CARMIL1: variants seen among roughly 807,000 people sequenced by gnomAD.
CARMIL1 encodes the protein capping protein regulator and myosin 1 linker 1, also known as F-actin-uncapping protein LRRC16A.
Under a neutral mutation model 177.1 loss-of-function variants are expected in CARMIL1, and 90 were observed. The ratio of observed to expected loss-of-function variants is 0.51; its 90% CI spans 0.43 to 0.61. CARMIL1 has a LOEUF of 0.61. Ranked by LOEUF, CARMIL1 falls within the 20% of genes least tolerant of loss-of-function variation. CARMIL1 has a pLI of 0.00. For synonymous variants in CARMIL1, 577 were observed against 606.2 expected, an observed-to-expected ratio of 0.95 and a Z score of 0.71; for missense variants, 1,380 against 1,667.0, an observed-to-expected ratio of 0.83 and a Z score of 3.00.
At chr6:25,391,205 A>C (rs1032874879) in intron 2 of CARMIL1, among the ~76,000 whole-genome samples, 1 of 152,262 alleles carries the variant, frequency 6.6e-6, no homozygotes, top group Non-Finnish European at 1.5e-5. Context: ...TATTTCACTA[A>C]TAATCCACTA....
At chr6:25,456,922 A>G (rs1255875365) in intron 8 of CARMIL1, among the ~76,000 whole-genome samples, 4 of 150,964 alleles carry the variant, frequency 2.6e-5, no homozygotes, top group Non-Finnish European at 4.4e-5. Flanking sequence ...CTGAGTGTGG[A>G]TTATGTTTGC....
chr6:25,476,054 AAAT>A (rs1241490356), intron 11 of CARMIL1, among the ~76,000 whole-genome samples: 2 of 152,210 alleles, frequency 1.3e-5, no homozygotes, highest in Non-Finnish European at 2.9e-5. Flanking sequence ...CACAATCAAC[AAAT>A]ATTTTCTTTA....
At chr6:25,284,496 G>A (rs2744284) in intron 1 of CARMIL1, among the ~76,000 whole-genome samples, 7,567 of 152,244 alleles carry the variant, frequency 0.05, 592 homozygotes, top group African/African-American at 0.17. Context: ...GATCACTTGA[G>A]GTCAGGAGTT....
chr6:25,561,738 GCA>G (rs1309454297), intron 29 of CARMIL1, among the ~76,000 whole-genome samples: 2 of 152,128 alleles, frequency 1.3e-5, no homozygotes, highest in Non-Finnish European at 2.9e-5. Context: ...GGGTCGCCAA[GCA>G]CAGACTATTG....
rs138878706 is a variant in CARMIL1 at position 25,349,486 on chromosome 6, G to A, written c.138+64577G>A. Among the ~76,000 whole-genome samples, 1,270 of 152,312 alleles carry A rather than the reference G, an allele frequency of 8.3e-3. 12 individuals carry two copies. The highest frequency in any genetic ancestry group is 0.026 in the African/African-American group (1,072 of 41,562). On this transcript the variant is annotated intron_variant, in intron 2 of 36. Coordinates refer to ENST00000329474, the MANE Select transcript of CARMIL1 (RefSeq NM_017640.6). ...ACATTCTGATCCAGGGGCTACAGAC[G>A]GGTGGCCCTGTGGGGCTCATATACT...
chr6:25,600,378 C>A lies in CARMIL1; in HGVS notation c.3184C>A (p.Arg1062=). ...LNEGGDEKKK[R]DSRKSSGFLN... is the part of the protein sequence containing the mutation. ...TGAAGGAGGAGATGAAAAGAAAAAG[C>A]GAGATTCTCGGAAAAGTAGTGGCTT... The change falls in exon 33 of 37, where the codon CGA becomes AGA. Residue 1062 remains arginine, a synonymous_variant. Coordinates refer to ENST00000329474, the MANE Select transcript of CARMIL1 (RefSeq NM_017640.6). The A allele has an allele frequency of 6.2e-7, 1 of 1,613,882 alleles. No homozygotes were observed. The highest frequency in any genetic ancestry group is 8.5e-7 in the Non-Finnish European group (1 of 1,179,870).
chr6:25,517,468 G>T (rs1367533883), intron 22 of CARMIL1, 53 bp downstream of exon 22: 6 of 1,384,008 alleles, frequency 4.3e-6, no homozygotes, highest in Non-Finnish European at 5.1e-6. Context: ...AAAAACCAAT[G>T]GTATATATGT....
chr6:25,457,543 T>C (rs983951058), intron 8 of CARMIL1, among the ~76,000 whole-genome samples: 2 of 152,196 alleles, frequency 1.3e-5, no homozygotes, highest in Admixed American at 6.5e-5. Flanking sequence ...TCTTAACTTT[T>C]TAAAGCACTC....
At position 25,577,069 on chromosome 6, in the gene CARMIL1, G is replaced by T; in HGVS notation, c.2743-3855G>T. 1 of 985,332 alleles carries T rather than the reference G, an allele frequency of 1.0e-6. No homozygotes were observed. The highest frequency in any genetic ancestry group is 1.2e-6 in the Non-Finnish European group (1 of 829,942). The allele number at this position is 985,332 out of a possible 1,614,324, so 61.0% of individuals were successfully genotyped here. Reference sequence around the variant, plus strand: ...CTTGTGCTCCATTTGCTTCTGTGCTGCCTGGCTGGTCTCCCAGGAGACTGT... The same window carrying T: ...CTTGTGCTCCATTTGCTTCTGTGCTTCCTGGCTGGTCTCCCAGGAGACTGT... On this transcript the variant is annotated intron_variant, in intron 29 of 36. Coordinates refer to ENST00000329474, the MANE Select transcript of CARMIL1 (RefSeq NM_017640.6). This position sits in a 1 kb window ranked among gnomAD's most constrained non-coding sequence, Gnocchi z 4.5.
At position 25,311,362 on chromosome 6, in the gene CARMIL1, GGAA is replaced by G. The variant is rs549004610; in HGVS notation, c.138+26455_138+26457del. Among the ~76,000 whole-genome samples, 194 of 152,242 alleles carry G rather than the reference GGAA, an allele frequency of 1.3e-3. 1 individual carries two copies. In the Middle Eastern group the frequency reaches 0.017, roughly 13 times the overall value. On this transcript the variant is annotated intron_variant, in intron 2 of 36. Transcript: ENST00000329474. ...AGTTAATTGCCATCAAGATGTCTTT[GGAA>G]GGAGTCACTGACTAAGCTGACTGGC...
At chr6:25,323,915 G>A (rs896997322) in intron 2 of CARMIL1, among the ~76,000 whole-genome samples, 3 of 152,178 alleles carry the variant, frequency 2.0e-5, no homozygotes, top group Non-Finnish European at 4.4e-5. Flanking sequence ...AGGGTGTTTT[G>A]ATTTTCTAGC....
At chr6:25,506,321 C>T (rs535875426) in intron 17 of CARMIL1, among the ~76,000 whole-genome samples, 6 of 152,288 alleles carry the variant, frequency 3.9e-5, no homozygotes, top group Admixed American at 3.9e-4. Flanking sequence ...CCAAGGCAGG[C>T]AGATCGCTTG....
chr6:25,486,384 C>T (rs73734014), intron 12 of CARMIL1, among the ~76,000 whole-genome samples: 4,426 of 152,108 alleles, frequency 0.029, 171 homozygotes, highest in African/African-American at 0.082. Flanking sequence ...AACTGCCAAG[C>T]GCCCGCACTT....
At position 25,471,113 on chromosome 6, in the gene CARMIL1, A is replaced by G. The variant is rs1801064108; in HGVS notation, c.691-56A>G. 6.0e-6 allele frequency: 7 copies of G among 1,170,196 alleles called. No homozygotes were observed. The East Asian group carries it at 7.3e-5, about 12-fold the overall frequency. The allele number at this position is 1,170,196 out of a possible 1,614,324, so 72.5% of individuals were successfully genotyped here. On this transcript the variant is annotated intron_variant, in intron 9 of 36. Transcript: ENST00000329474. ...CTTTGCATTGCATAGATTTATAACA[A>G]TAAAGTTTTTCTTCTTTAGAGTTAT...
At chr6:25,604,251 T>A (rs1815715722) in intron 33 of CARMIL1, among the ~76,000 whole-genome samples, 1 of 152,124 alleles carries the variant, frequency 6.6e-6, no homozygotes, top group South Asian at 2.1e-4. Context: ...CTAATTTTTC[T>A]ATTTTTTGCA....
chr6:25,360,485 C>T (rs908843070), intron 2 of CARMIL1, among the ~76,000 whole-genome samples: 24 of 152,108 alleles, frequency 1.6e-4, no homozygotes, highest in African/African-American at 5.8e-4. Flanking sequence ...TTCTGGAAGC[C>T]CACTGGGATC....
intron 8 of CARMIL1, among the ~76,000 whole-genome samples, chr6:25,454,826 A>G (rs1169334008): frequency 6.6e-6 from 1 of 152,218 alleles, no homozygotes; most frequent in Non-Finnish European, 1.5e-5. Context: ...TCATGAAAGT[A>G]TCAGTCTGCA....
chr6:25,292,235 A>G (rs1204959424), intron 2 of CARMIL1, among the ~76,000 whole-genome samples: 2 of 152,184 alleles, frequency 1.3e-5, no homozygotes, highest in South Asian at 2.1e-4. Context: ...TAGGAGTCTC[A>G]ACTTTTAAGG....
At chr6:25,293,304 G>GTGTGT (rs1295422350) in intron 2 of CARMIL1, among the ~76,000 whole-genome samples, 1 of 144,768 alleles carries the variant, frequency 6.9e-6, no homozygotes, top group Non-Finnish European at 1.5e-5. Flanking sequence ...GTGTGTGTGT[G>GTGTGT]TTTTGTAGCA....
Sources: gnomAD v4.1 joint callset for allele counts (sites outside exome capture counted in the v4.1 genomes callset) on GRCh38, gnomAD v4.1.1 for gene constraint, Gnocchi (gnomAD v3.1) non-coding constraint, MANE v1.5 for transcripts, NCBI Gene and HGNC (gene_info 2026-07-23, HGNC 2026-07-21) for gene names.